DCAF6: variants seen among roughly 807,000 people sequenced by gnomAD.
DCAF6 encodes DDB1- and CUL4-associated factor 6.
DCAF6 carries 54 observed loss-of-function variants against 125.1 expected under a neutral mutation model. The observed-to-expected ratio is 0.43, with a 90% CI of 0.35 to 0.54. The LOEUF is 0.54. DCAF6 is among the 20% of genes least tolerant of loss of function. The pLI is 0.01. For synonymous variants in DCAF6, 371 were observed against 390.4 expected, an observed-to-expected ratio of 0.95 and a Z score of 0.58; for missense variants, 934 against 1,161.7, an observed-to-expected ratio of 0.80 and a Z score of 2.85.
chr1:168,068,792 C>G (rs1572178490), intron 21 of DCAF6, among the ~76,000 whole-genome samples: 1 of 152,144 alleles, frequency 6.6e-6, no homozygotes, highest in East Asian at 1.9e-4. Context: ...AGTCATAGCC[C>G]AAACAGAAAT....
At chr1:167,957,752 C>G (rs183957046) in intron 2 of DCAF6, among the ~76,000 whole-genome samples, 138 of 152,210 alleles carry the variant, frequency 9.1e-4, no homozygotes, top group Non-Finnish European at 1.3e-3. Flanking sequence ...CTGACAGCAA[C>G]ATACAGGGTT....
intron 2 of DCAF6, among the ~76,000 whole-genome samples, chr1:167,965,962 T>G (rs1424669472): frequency 6.6e-6 from 1 of 152,168 alleles, no homozygotes; most frequent in Non-Finnish European, 1.5e-5. Flanking sequence ...CATTCAGACT[T>G]AACGCTTTCT....
chr1:168,030,928 T>C (rs1268062143), intron 12 of DCAF6, among the ~76,000 whole-genome samples: 1 of 152,192 alleles, frequency 6.6e-6, no homozygotes, highest in African/African-American at 2.4e-5. Flanking sequence ...GGCTATTTTC[T>C]TAAATAGGTA....
At chr1:168,058,608 C>T (rs1011505417) in intron 17 of DCAF6, among the ~76,000 whole-genome samples, 4 of 152,060 alleles carry the variant, frequency 2.6e-5, no homozygotes, top group Non-Finnish European at 5.9e-5. Flanking sequence ...GTCTTGCTGT[C>T]ACCAGGCTGG....
intron 4 of DCAF6, among the ~76,000 whole-genome samples, chr1:167,981,997 A>G (rs890508190): frequency 3.9e-5 from 6 of 152,186 alleles, no homozygotes; most frequent in Non-Finnish European, 5.9e-5. Context: ...CCAAGTGTAT[A>G]TAAGTATTCC....
intron 17 of DCAF6, among the ~76,000 whole-genome samples, chr1:168,051,632 C>A (rs1689953813): frequency 6.6e-6 from 1 of 152,030 alleles, no homozygotes; most frequent in Non-Finnish European, 1.5e-5. Context: ...CATATAGCAA[C>A]AATCAGAAAT....
chr1:167,948,761 C>T (rs1426526710), intron 1 of DCAF6, among the ~76,000 whole-genome samples: 4 of 152,164 alleles, frequency 2.6e-5, no homozygotes, highest in Admixed American at 2.6e-4. Flanking sequence ...AAGCGATTCT[C>T]CTACCTCAGC....
the DCAF6 span, among the ~76,000 whole-genome samples, chr1:167,882,789 C>G: frequency 2.6e-5 from 4 of 152,142 alleles, no homozygotes; most frequent in African/African-American, 9.7e-5. Flanking sequence ...ATCCCAGCCT[C>G]CCCCTTACTA....
the DCAF6 span, among the ~76,000 whole-genome samples, chr1:167,929,981 G>A: frequency 6.6e-6 from 1 of 151,944 alleles, no homozygotes; most frequent in Non-Finnish European, 1.5e-5. Context: ...GCTATCATGT[G>A]ACAAACTAGA....
chr1:168,028,415 A>G (rs1302425541), intron 12 of DCAF6, among the ~76,000 whole-genome samples: 1 of 152,188 alleles, frequency 6.6e-6, no homozygotes, highest in African/African-American at 2.4e-5. Context: ...GTTGCTTTCT[A>G]TTCCTTACAG....
chr1:167,896,211 T>C, the DCAF6 span, among the ~76,000 whole-genome samples: 2 of 152,186 alleles, frequency 1.3e-5, no homozygotes, highest in African/African-American at 4.8e-5. Flanking sequence ...CAATATTTAT[T>C]GGATGAATAA....
chr1:167,937,060 G>A, intron 1 of DCAF6, 52 bp downstream of exon 1: 1 of 1,472,714 alleles, frequency 6.8e-7, no homozygotes, highest in Non-Finnish European at 9.4e-7. Context: ...TAGAGTGGGG[G>A]AGGGGGCACG....
intron 16 of DCAF6, among the ~76,000 whole-genome samples, chr1:168,049,263 G>A (rs1013798081): frequency 7.9e-5 from 12 of 151,984 alleles, no homozygotes; most frequent in African/African-American, 2.9e-4. Context: ...ATTTTTTTGA[G>A]ACAGGGTCTT....
intron 2 of DCAF6, among the ~76,000 whole-genome samples, chr1:167,957,165 G>A (rs1011437464): frequency 5.9e-5 from 9 of 151,734 alleles, no homozygotes; most frequent in African/African-American, 1.9e-4. Context: ...TGTTCAATTC[G>A]GTGGTTTTTA....
intron 18 of DCAF6, 77 bp from the exon 19 acceptor site, chr1:168,065,513 A>G (rs1692212996): frequency 9.3e-7 from 1 of 1,078,438 alleles, no homozygotes; most frequent in East Asian, 2.6e-5. Context: ...AAACAAATAA[A>G]AAAATGTAAG....
At chr1:167,956,519 C>T (rs1674814074) in intron 2 of DCAF6, among the ~76,000 whole-genome samples, 1 of 152,064 alleles carries the variant, frequency 6.6e-6, no homozygotes, top group Non-Finnish European at 1.5e-5. Flanking sequence ...CCTCTGGTCT[C>T]ATTAATTGTC....
At chr1:167,974,662 T>C (rs1445113019) in intron 3 of DCAF6, among the ~76,000 whole-genome samples, 168 bp from the exon 4 acceptor site, 9 of 152,130 alleles carry the variant, frequency 5.9e-5, no homozygotes, top group African/African-American at 1.9e-4. Context: ...CAAAAGAAAA[T>C]ATATGGGATT....
intron 17 of DCAF6, among the ~76,000 whole-genome samples, chr1:168,051,567 C>T (rs1051736095): frequency 3.3e-5 from 5 of 152,152 alleles, no homozygotes; most frequent in Admixed American, 2.6e-4. Context: ...GTACTTAACT[C>T]TAGAGGCATA....
Position 168,044,574 on chromosome 1 carries a change from T to C in DCAF6, c.1844-11T>C, listed in dbSNP as rs1278450889. The C allele has an allele frequency of 6.3e-7, 1 of 1,599,578 alleles. No individual in the cohort carries two copies. On this transcript the variant is annotated splice_polypyrimidine_tract_variant and intron_variant, in intron 14 of 21. Transcript: ENST00000367840. ...ATACCAAGGGATGACTGTAATTTGGTTTACTTACAGAAGCTCCTGAAGAAT... is the reference window on the plus strand; with the variant it reads ...ATACCAAGGGATGACTGTAATTTGGCTTACTTACAGAAGCTCCTGAAGAAT...
Sources: allele counts gnomAD v4.1 joint callset (sites outside exome capture counted in the v4.1 genomes callset), GRCh38; gene constraint gnomAD v4.1.1; transcripts MANE v1.5; gene names NCBI Gene and HGNC (gene_info 2026-07-23, HGNC 2026-07-21).